HYCC1: variants seen among roughly 807,000 people sequenced by gnomAD.
HYCC1 encodes hyccin.
chr7:23,012,382 G>T, the HYCC1 span, among the ~76,000 whole-genome samples: 1 of 152,168 alleles, frequency 6.6e-6, no homozygotes, highest in South Asian at 2.1e-4. Flanking sequence ...ATGCCTTATC[G>T]GGTGTCTGTA....
the HYCC1 span, chr7:22,937,610 T>C: frequency 1.3e-5 from 2 of 152,214 alleles, no homozygotes; most frequent in African/African-American, 2.4e-5. Context: ...AAGACTTCTA[T>C]TGAATAGAAG....
At chr7:22,965,286 A>C in the HYCC1 span, among the ~76,000 whole-genome samples, 1 of 152,132 alleles carries the variant, frequency 6.6e-6, no homozygotes, top group East Asian at 1.9e-4. Context: ...AACTTCATGC[A>C]GTATACCATA....
chr7:22,951,454 C>T, the HYCC1 span, among the ~76,000 whole-genome samples: 21 of 151,900 alleles, frequency 1.4e-4, no homozygotes, highest in South Asian at 2.1e-3. Context: ...TATTATTTGT[C>T]TGCATCATAC....
At chr7:23,011,282 T>C in the HYCC1 span, among the ~76,000 whole-genome samples, 7 of 152,200 alleles carry the variant, frequency 4.6e-5, no homozygotes, top group Admixed American at 2.6e-4. Context: ...ATAGCTTCAA[T>C]TCAACCCCCA....
At chr7:22,922,578 A>G in the HYCC1 span, among the ~76,000 whole-genome samples, 2 of 152,186 alleles carry the variant, frequency 1.3e-5, no homozygotes, top group Non-Finnish European at 2.9e-5. Context: ...TTTCTACTAA[A>G]TTCATATCAC....
At chr7:22,945,812 G>C in the HYCC1 span, 2 of 1,613,810 alleles carry the variant, frequency 1.2e-6, no homozygotes, top group Non-Finnish European at 1.7e-6. Flanking sequence ...ACTAAATACA[G>C]TCGCTGCGGT....
chr7:22,930,161 G>A, the HYCC1 span, among the ~76,000 whole-genome samples: 1 of 130,372 alleles, frequency 7.7e-6, no homozygotes, highest in Non-Finnish European at 1.6e-5. Flanking sequence ...ATGGACACAG[G>A]AAGGGGAACA....
the HYCC1 span, among the ~76,000 whole-genome samples, chr7:22,984,989 G>C: frequency 6.6e-6 from 1 of 152,086 alleles, no homozygotes; most frequent in East Asian, 1.9e-4. Context: ...AAAGAGTAGG[G>C]AAATCTGAAT....
At chr7:22,991,013 C>T in the HYCC1 span, 1 of 1,349,038 alleles carries the variant, frequency 7.4e-7, no homozygotes, top group African/African-American at 1.4e-5. Flanking sequence ...AAACGCCAGA[C>T]AAAACTTCCT....
chr7:22,965,710 T>C, the HYCC1 span, among the ~76,000 whole-genome samples: 1 of 152,070 alleles, frequency 6.6e-6, no homozygotes, highest in African/African-American at 2.4e-5. Flanking sequence ...CACTGCAGCC[T>C]TGAACTCCTG....
chr7:23,002,175 T>TAC, the HYCC1 span, among the ~76,000 whole-genome samples: 2 of 51,810 alleles, frequency 3.9e-5, no homozygotes, highest in Admixed American at 2.3e-4. Flanking sequence ...TATATATATA[T>TAC]ACATATAGTT....
At chr7:22,977,977 A>C in the HYCC1 span, among the ~76,000 whole-genome samples, 1 of 152,184 alleles carries the variant, frequency 6.6e-6, no homozygotes, top group Non-Finnish European at 1.5e-5. Context: ...TAGACAATGG[A>C]CTTTAAGTTT....
the HYCC1 span, among the ~76,000 whole-genome samples, chr7:22,964,013 C>A: frequency 5.3e-5 from 8 of 151,710 alleles, no homozygotes; most frequent in African/African-American, 1.9e-4. Flanking sequence ...TAAACTATTT[C>A]TAATCAAAGA....
the HYCC1 span, among the ~76,000 whole-genome samples, chr7:22,903,779 A>G: frequency 1.9e-3 from 292 of 152,350 alleles, 2 homozygotes; most frequent in African/African-American, 6.4e-3. Flanking sequence ...GTAGTGGTTC[A>G]TGATGTTTCC....
the HYCC1 span, among the ~76,000 whole-genome samples, chr7:22,924,163 G>C: frequency 7.3e-6 from 1 of 137,440 alleles, no homozygotes; most frequent in African/African-American, 2.7e-5. Flanking sequence ...GGGTGACAGA[G>C]CGAGACTCTG....
the HYCC1 span, chr7:22,939,962 A>C: frequency 2.8e-4 from 42 of 152,330 alleles, no homozygotes; most frequent in African/African-American, 9.4e-4. Flanking sequence ...TTTCTCTACA[A>C]TTATAAAACA....
At chr7:23,012,402 T>A in the HYCC1 span, among the ~76,000 whole-genome samples, 5 of 152,230 alleles carry the variant, frequency 3.3e-5, no homozygotes, top group African/African-American at 9.6e-5. Context: ...ATCCAGGTAC[T>A]GCTAATGCCG....
At chr7:22,969,525 G>T in the HYCC1 span, among the ~76,000 whole-genome samples, 17 of 134,228 alleles carry the variant, frequency 1.3e-4, no homozygotes, top group Non-Finnish European at 1.6e-4. Flanking sequence ...TTTTTTTTTG[G>T]TTTTTTTTTT....
the HYCC1 span, among the ~76,000 whole-genome samples, chr7:22,991,664 A>G: frequency 6.6e-6 from 1 of 152,152 alleles, no homozygotes; most frequent in Non-Finnish European, 1.5e-5. Flanking sequence ...ACCATATTTG[A>G]CAACAGTGAT....
Sources: gnomAD v4.1 joint callset for allele counts (sites outside exome capture counted in the v4.1 genomes callset) on GRCh38, gnomAD v4.1.1 for gene constraint, MANE v1.5 for transcripts, NCBI Gene and HGNC (gene_info 2026-07-23, HGNC 2026-07-21) for gene names.